The following GLI2 variants were observed in gnomAD, a reference collection of about 807,000 sequenced individuals.
GLI2 encodes the protein transcription activator GLI2.
GLI2 carries 22 observed loss-of-function variants against 78.9 expected under a neutral mutation model. That is an observed-to-expected ratio of 0.28 (90% CI 0.20 to 0.40). GLI2 has a LOEUF of 0.40. Among genes scored for constraint, GLI2 ranks in the 10% least tolerant of loss-of-function variants. The probability of loss-of-function intolerance (pLI) is 1.00; values close to 1 mark genes in which losing one functional copy is unlikely to be tolerated. For missense variants in GLI2, 2,097 were observed against 2,213.2 expected, an observed-to-expected ratio of 0.95 and a Z score of 1.05; for synonymous variants, 974 against 963.7, an observed-to-expected ratio of 1.01 and a Z score of -0.20.
intron 2 of GLI2, among the ~76,000 whole-genome samples, chr2:120,890,444 T>C (rs750456655): frequency 4.4e-5 from 2 of 44,974 alleles, no homozygotes; most frequent in Non-Finnish European, 7.8e-5. Flanking sequence ...CACATTCACA[T>C]ATATATATAT....
intron 2 of GLI2, among the ~76,000 whole-genome samples, chr2:120,797,810 T>C (rs1252245646): frequency 6.6e-6 from 1 of 152,194 alleles, no homozygotes; most frequent in Non-Finnish European, 1.5e-5. Context: ...ACATTTGAAA[T>C]GTGCCCAGAG....
At chr2:120,987,931 A>AT (rs957714154) in intron 13 of GLI2, among the ~76,000 whole-genome samples, 2 of 152,098 alleles carry the variant, frequency 1.3e-5, no homozygotes, top group African/African-American at 4.8e-5. Context: ...CCCCTTTTTA[A>AT]TTGAAAAACC....
At chr2:120,881,747 A>AGGTAG (rs1558854382) in intron 2 of GLI2, among the ~76,000 whole-genome samples, 2 of 16,596 alleles carry the variant, frequency 1.2e-4, no homozygotes, top group African/African-American at 2.8e-4. Context: ...GGGGGAGAAC[A>AGGTAG]GTGCGGAGTG....
intron 2 of GLI2, among the ~76,000 whole-genome samples, chr2:120,801,260 T>G (rs1319193269): frequency 1.3e-5 from 2 of 152,200 alleles, no homozygotes; most frequent in Admixed American, 1.3e-4. Flanking sequence ...TGCTTCAGCC[T>G]TCTGAGTAGC....
chr2:120,900,283 T>G (rs920939960), intron 2 of GLI2, among the ~76,000 whole-genome samples: 1 of 152,152 alleles, frequency 6.6e-6, no homozygotes, highest in Admixed American at 6.5e-5. Flanking sequence ...CTTCCCAAAC[T>G]TCAGTGTGCA....
At chr2:120,779,111 T>TGTGCACTGTCATGAGC (rs1683764919) in intron 1 of GLI2, among the ~76,000 whole-genome samples, 1 of 152,224 alleles carries the variant, frequency 6.6e-6, no homozygotes, top group Admixed American at 6.5e-5. Context: ...TAATATCCGC[T>TGTGCACTGTCATGAGC]GTGCACTGTC....
chr2:120,749,004 G>A (rs1313759192), intron 1 of GLI2, among the ~76,000 whole-genome samples: 2 of 152,008 alleles, frequency 1.3e-5, no homozygotes, highest in Non-Finnish European at 2.9e-5. Context: ...TTGACTGCAA[G>A]GATTTTAAAG....
In GLI2 at chr2:120,982,841, G is replaced by C. The variant is rs200300186; in HGVS notation, c.1593G>C (p.Ser531=). Residue 531 remains serine (S), a synonymous_variant, in exon 11 of 14, where the codon TCG becomes TCC. Coordinates refer to ENST00000361492, the MANE Select transcript of GLI2 (RefSeq NM_001374353.1). ...EGCNKAFSNA[S]DRAKHQNRTH... is the part of the protein sequence containing the mutation. ...GCAACAAAGCCTTCTCCAACGCCTC[G>C]GACCGCGCCAAGCACCAGAATCGCA... The C allele has an allele frequency of 6.2e-7, 1 of 1,614,116 alleles. No homozygotes were observed. Among genetic ancestry groups the C allele is most frequent in the East Asian group, 2.2e-5 (1 of 44,878 alleles).
At chr2:120,894,287 G>A (rs1403328500) in intron 2 of GLI2, among the ~76,000 whole-genome samples, 1 of 152,220 alleles carries the variant, frequency 6.6e-6, no homozygotes, top group Non-Finnish European at 1.5e-5. Context: ...GTGTTTTTGT[G>A]ACAGATGTCC....
chr2:120,900,619 AG>A (rs1678204995), intron 2 of GLI2, among the ~76,000 whole-genome samples: 1 of 152,230 alleles, frequency 6.6e-6, no homozygotes, highest in Non-Finnish European at 1.5e-5. Context: ...AAACAAGATG[AG>A]GGGACAACAC....
At chr2:120,804,476 G>A (rs906821707) in intron 2 of GLI2, among the ~76,000 whole-genome samples, 1 of 152,202 alleles carries the variant, frequency 6.6e-6, no homozygotes. Flanking sequence ...GGCTGGCCGT[G>A]GTCTTTGGCC....
chr2:120,809,940 G>A (rs1685158208), intron 2 of GLI2, among the ~76,000 whole-genome samples: 2 of 152,326 alleles, frequency 1.3e-5, no homozygotes, highest in South Asian at 4.1e-4. Context: ...TGTGGCTGGT[G>A]GCAGGCTCTG....
At chr2:120,797,037 C>G (rs1350121366) in intron 1 of GLI2, among the ~76,000 whole-genome samples, 1 of 152,190 alleles carries the variant, frequency 6.6e-6, no homozygotes, top group Non-Finnish European at 1.5e-5. Context: ...CAGTAGGAAC[C>G]TGTTACTTAG....
At chr2:120,946,844 A>G (rs1355003191) in intron 3 of GLI2, among the ~76,000 whole-genome samples, 1 of 152,224 alleles carries the variant, frequency 6.6e-6, no homozygotes, top group Non-Finnish European at 1.5e-5. Context: ...GGCGTGTTTC[A>G]GGGCTGCTGG....
At chr2:120,986,000 C>T (rs981282462) in intron 12 of GLI2, among the ~76,000 whole-genome samples, 5 of 152,232 alleles carry the variant, frequency 3.3e-5, no homozygotes, top group Admixed American at 2.6e-4. Flanking sequence ...GCCTTCTGCA[C>T]GCTGCGTGCT....
intron 9 of GLI2, 116 bp downstream of exon 9, chr2:120,975,225 G>A: frequency 2.1e-6 from 2 of 964,062 alleles, no homozygotes; most frequent in South Asian, 1.6e-5. Context: ...GACCCCCAGA[G>A]ATGCCTGGGC....
intron 2 of GLI2, among the ~76,000 whole-genome samples, chr2:120,909,481 T>C (rs1332311913): frequency 6.6e-6 from 1 of 152,180 alleles, no homozygotes; most frequent in Non-Finnish European, 1.5e-5. Flanking sequence ...GGACATTGAC[T>C]TCATGGCCCC....
chr2:120,927,380 A>G lies in GLI2; in HGVS notation c.168A>G (p.Pro56=), dbSNP rs138727345. ...CTGCAGTGCCGCAGCATCTCTTGCC[A>G]CCATTCCATGCGCCCCTACCGATTG... ...AAQGVPQHLL[P]PFHAPLPIDM... is the part of the protein sequence containing the mutation. The change falls in exon 3 of 14, where the codon CCA becomes CCG. Residue 56 remains proline (P), a synonymous_variant. Coordinates refer to ENST00000361492, the MANE Select transcript of GLI2 (RefSeq NM_001374353.1). 6.1e-5 allele frequency: 99 copies of G among 1,613,584 alleles called. No homozygotes were observed. Among genetic ancestry groups the G allele is most frequent in the Admixed American group, 4.0e-4 (24 of 60,018 alleles).
At chr2:120,778,779 G>A (rs968117796) in intron 1 of GLI2, among the ~76,000 whole-genome samples, 2 of 152,224 alleles carry the variant, frequency 1.3e-5, no homozygotes, top group Admixed American at 1.3e-4. Flanking sequence ...TGCTCCTGAA[G>A]CTGCGACAGG....
Sources: gnomAD v4.1 joint callset for allele counts (sites outside exome capture counted in the v4.1 genomes callset) on GRCh38, gnomAD v4.1.1 for gene constraint, MANE v1.5 for transcripts, NCBI Gene and HGNC (gene_info 2026-07-23, HGNC 2026-07-21) for gene names.